Variants in PTPRD observed in about 807,000 individuals in gnomAD.
The protein encoded by PTPRD is protein tyrosine phosphatase receptor type D, also known as receptor-type tyrosine-protein phosphatase delta.
In PTPRD, 34 loss-of-function variants were observed where a neutral mutation model predicts 214.5. That is an observed-to-expected ratio of 0.16 (90% CI 0.12 to 0.21). The LOEUF is 0.21. PTPRD is among the 10% of genes least tolerant of loss of function. The pLI, the probability that PTPRD is intolerant of heterozygous loss-of-function variation, is 1.00. For synonymous variants in PTPRD, 1,128 were observed against 845.7 expected (o/e 1.33, Z -5.79); for missense variants, 2,545 against 2,398.7 (o/e 1.06, Z -1.27).
chr9:8,788,034 T>C (rs1250418594), intron 11 of PTPRD, among the ~76,000 whole-genome samples: 1 of 152,184 alleles, frequency 6.6e-6, no homozygotes, highest in Non-Finnish European at 1.5e-5. Flanking sequence ...TCCAGTTTAG[T>C]TACTTACTTT....
At chr9:9,683,192 G>A (rs1221891009) in intron 7 of PTPRD, among the ~76,000 whole-genome samples, 1 of 151,750 alleles carries the variant, frequency 6.6e-6, no homozygotes, top group African/African-American at 2.4e-5. Context: ...AATTATGACA[G>A]TTATATTCAA....
chr9:10,129,697 T>A (rs930500332), intron 3 of PTPRD, among the ~76,000 whole-genome samples: 21 of 152,040 alleles, frequency 1.4e-4, no homozygotes, highest in African/African-American at 5.1e-4. Flanking sequence ...TGGTACATTA[T>A]AATTACCGTT....
chr9:10,289,767 T>C (rs1229534318), intron 3 of PTPRD, among the ~76,000 whole-genome samples: 3 of 152,178 alleles, frequency 2.0e-5, no homozygotes, highest in South Asian at 4.1e-4. Flanking sequence ...GTACTTGTTA[T>C]GCATATGAGG....
intron 22 of PTPRD, among the ~76,000 whole-genome samples, chr9:8,506,189 G>T (rs2097539667): frequency 6.6e-6 from 1 of 152,118 alleles, no homozygotes; most frequent in Non-Finnish European, 1.5e-5. Context: ...CATTTAGCAT[G>T]TGAGTTTTTT....
chr9:9,008,536 T>G (rs868405157), intron 11 of PTPRD, among the ~76,000 whole-genome samples: 127 of 152,136 alleles, frequency 8.3e-4, no homozygotes, highest in African/African-American at 2.9e-3. Context: ...TCCCCTTCAT[T>G]ATTTAGTGAA....
At chr9:9,551,849 C>T (rs554895000) in intron 8 of PTPRD, among the ~76,000 whole-genome samples, 1 of 151,968 alleles carries the variant, frequency 6.6e-6, no homozygotes, top group South Asian at 2.1e-4. Flanking sequence ...CTGTAAGTTG[C>T]TCCCCAAAAG....
intron 3 of PTPRD, among the ~76,000 whole-genome samples, chr9:10,106,737 C>A (rs773153570): frequency 6.6e-6 from 1 of 151,708 alleles, no homozygotes; most frequent in Admixed American, 6.6e-5. Context: ...CTTTCTCTTT[C>A]TTTTTTAAAT....
At chr9:10,008,249 T>A (rs1484583596) in intron 4 of PTPRD, among the ~76,000 whole-genome samples, 1 of 151,906 alleles carries the variant, frequency 6.6e-6, no homozygotes, top group Non-Finnish European at 1.5e-5. Context: ...TCCCTGTCAG[T>A]AGACTTTCAT....
chr9:9,395,187 CAA>C (rs35523026), intron 9 of PTPRD, among the ~76,000 whole-genome samples: 3 of 141,604 alleles, frequency 2.1e-5, no homozygotes, highest in Non-Finnish European at 3.1e-5. Flanking sequence ...GAACATGAAA[CAA>C]AAAAAAAAAA....
chr9:9,410,341 A>C (rs1009230979), intron 8 of PTPRD, among the ~76,000 whole-genome samples: 1 of 152,214 alleles, frequency 6.6e-6, no homozygotes, highest in Non-Finnish European at 1.5e-5. Flanking sequence ...GGAAATGTAT[A>C]CCAAAAATAA....
At chr9:8,981,650 G>A (rs1000981680) in intron 11 of PTPRD, among the ~76,000 whole-genome samples, 2 of 151,950 alleles carry the variant, frequency 1.3e-5, no homozygotes, top group African/African-American at 4.8e-5. Flanking sequence ...GAGCAAAAAA[G>A]GAGACTGGGC....
chr9:10,048,855 A>G (rs369296122), intron 3 of PTPRD, among the ~76,000 whole-genome samples: 3 of 151,998 alleles, frequency 2.0e-5, no homozygotes, highest in Non-Finnish European at 4.4e-5. Context: ...CTCCCCAAAG[A>G]TATCTGAATT....
intron 10 of PTPRD, among the ~76,000 whole-genome samples, chr9:9,019,961 T>C (rs1322190324): frequency 6.6e-6 from 1 of 152,138 alleles, no homozygotes; most frequent in Non-Finnish European, 1.5e-5. Context: ...AGTGGAGACA[T>C]TAATTCATTT....
At chr9:9,611,109 C>T (rs555874573) in intron 7 of PTPRD, among the ~76,000 whole-genome samples, 166 of 152,126 alleles carry the variant, frequency 1.1e-3, no homozygotes, top group African/African-American at 4.0e-3. Context: ...AATACAATAC[C>T]TTTTAATATG....
intron 11 of PTPRD, among the ~76,000 whole-genome samples, chr9:8,783,861 C>A (rs1391879220): frequency 6.6e-6 from 1 of 152,140 alleles, no homozygotes; most frequent in African/African-American, 2.4e-5. Flanking sequence ...AAATAAAAAA[C>A]TTGAGCATCG....
chr9:10,440,063 C>G (rs2098748642), intron 2 of PTPRD, among the ~76,000 whole-genome samples: 1 of 151,150 alleles, frequency 6.6e-6, no homozygotes, highest in Admixed American at 6.6e-5. Flanking sequence ...TTTGCATCTA[C>G]TAAGTTAAAT....
intron 8 of PTPRD, among the ~76,000 whole-genome samples, chr9:9,493,746 C>T (rs1219875758): frequency 6.9e-6 from 1 of 144,072 alleles, no homozygotes; most frequent in Non-Finnish European, 1.5e-5. Flanking sequence ...CGAGATCATG[C>T]CACTGCACTC....
intron 10 of PTPRD, among the ~76,000 whole-genome samples, chr9:9,169,145 A>C (rs1020784737): frequency 6.6e-6 from 1 of 152,014 alleles, no homozygotes; most frequent in Non-Finnish European, 1.5e-5. Context: ...TGTTTGCTTA[A>C]TAAATCTTAT....
At chr9:10,089,883 C>A (rs2098407811) in intron 3 of PTPRD, among the ~76,000 whole-genome samples, 1 of 151,552 alleles carries the variant, frequency 6.6e-6, no homozygotes, top group African/African-American at 2.4e-5. Context: ...GAGCTACTAA[C>A]CTTCTGATTC....
Sources: gnomAD v4.1 joint callset for allele counts (sites outside exome capture counted in the v4.1 genomes callset) on GRCh38, gnomAD v4.1.1 for gene constraint, MANE v1.5 for transcripts, NCBI Gene and HGNC (gene_info 2026-07-23, HGNC 2026-07-21) for gene names.